The following EYS variants were observed in gnomAD, a reference collection of about 807,000 sequenced individuals.
EYS encodes the protein protein eyes shut homolog.
Under a neutral mutation model 282.1 loss-of-function variants are expected in EYS, and 250 were observed. The observed-to-expected ratio is 0.89, with a 90% CI of 0.80 to 0.98. The LOEUF (loss-of-function observed/expected upper bound fraction) is 0.98. Among genes scored for constraint, EYS ranks in the 50% least tolerant of loss-of-function variants. The probability of loss-of-function intolerance (pLI) is 0.00; values close to 1 mark genes in which losing one functional copy is unlikely to be tolerated. For synonymous variants in EYS, 1,355 were observed against 1,282.9 expected (o/e 1.06, Z -1.20); for missense variants, 4,016 against 3,709.0 (o/e 1.08, Z -2.15).
chr6:63,728,549 G>A (rs538155429), intron 41 of EYS, among the ~76,000 whole-genome samples: 2 of 152,240 alleles, frequency 1.3e-5, no homozygotes, highest in East Asian at 3.9e-4. Flanking sequence ...GAGTACATTT[G>A]TTAAATGGAT....
chr6:64,685,767 T>G (rs556907626), intron 22 of EYS, among the ~76,000 whole-genome samples: 2 of 152,300 alleles, frequency 1.3e-5, no homozygotes, highest in East Asian at 3.9e-4. Flanking sequence ...AGACCCACAC[T>G]CAGTATACTT....
At chr6:65,153,139 C>T (rs533666405) in intron 12 of EYS, among the ~76,000 whole-genome samples, 1 of 151,962 alleles carries the variant, frequency 6.6e-6, no homozygotes, top group East Asian at 2.0e-4. Context: ...TTAAGCTCTT[C>T]TCTGCTGGCA....
intron 14 of EYS, among the ~76,000 whole-genome samples, chr6:64,947,236 C>T (rs1769316933): frequency 6.6e-6 from 1 of 151,776 alleles, no homozygotes; most frequent in Non-Finnish European, 1.5e-5. Context: ...CAAAATGATC[C>T]TTCATCACTT....
At chr6:64,041,757 G>C (rs560812134) in intron 33 of EYS, among the ~76,000 whole-genome samples, 1 of 151,982 alleles carries the variant, frequency 6.6e-6, no homozygotes, top group African/African-American at 2.4e-5. Flanking sequence ...TTTCATTTTC[G>C]TTATTTTGAA....
At chr6:64,334,039 G>T (rs745608830) in intron 29 of EYS, among the ~76,000 whole-genome samples, 22 of 152,176 alleles carry the variant, frequency 1.4e-4, no homozygotes, top group Non-Finnish European at 2.6e-4. Flanking sequence ...GCCTGACAAG[G>T]CCTTTCAGAA....
At chr6:65,447,202 C>A (rs1768695177) in intron 5 of EYS, among the ~76,000 whole-genome samples, 1 of 150,848 alleles carries the variant, frequency 6.6e-6, no homozygotes. Context: ...AATCATCTGT[C>A]TTCCCCAATG....
At chr6:64,564,353 C>G (rs1765495195) in intron 26 of EYS, among the ~76,000 whole-genome samples, 1 of 132,476 alleles carries the variant, frequency 7.5e-6, no homozygotes, top group Non-Finnish European at 1.6e-5. Flanking sequence ...TCTCGGCTCA[C>G]TGCAACCTCT....
At chr6:64,211,517 C>T (rs1765763992) in intron 31 of EYS, among the ~76,000 whole-genome samples, 2 of 150,754 alleles carry the variant, frequency 1.3e-5, no homozygotes, top group East Asian at 3.9e-4. Context: ...TGATATCTAC[C>T]CTCTCTTTTC....
chr6:65,283,141 C>T (rs1420328582), intron 12 of EYS, among the ~76,000 whole-genome samples: 2 of 151,652 alleles, frequency 1.3e-5, no homozygotes, highest in Non-Finnish European at 2.9e-5. Context: ...TTCTTTTTTC[C>T]CACAAAATTA....
At chr6:65,273,288 T>C (rs1767953156) in intron 12 of EYS, among the ~76,000 whole-genome samples, 1 of 152,196 alleles carries the variant, frequency 6.6e-6, no homozygotes, top group South Asian at 2.1e-4. Flanking sequence ...TGGGGACTAC[T>C]GGACTGTTAG....
chr6:64,264,516 G>T (rs889952225), intron 30 of EYS, among the ~76,000 whole-genome samples: 5 of 152,074 alleles, frequency 3.3e-5, no homozygotes, highest in African/African-American at 1.2e-4. Context: ...TGAGATTCGA[G>T]CTTGGAAGTG....
At chr6:65,690,905 C>T (rs1219844492) in intron 1 of EYS, among the ~76,000 whole-genome samples, 2 of 150,252 alleles carry the variant, frequency 1.3e-5, no homozygotes, top group African/African-American at 4.9e-5. Context: ...CCACAAAGAA[C>T]ATGAACTCAT....
intron 2 of EYS, among the ~76,000 whole-genome samples, chr6:65,617,605 G>T (rs897732889): frequency 2.0e-5 from 3 of 151,336 alleles, no homozygotes; most frequent in Admixed American, 6.6e-5. Flanking sequence ...ACAATGTGCA[G>T]GTTAGTTACA....
chr6:65,020,519 C>T (rs551878997), intron 13 of EYS, among the ~76,000 whole-genome samples: 14 of 152,254 alleles, frequency 9.2e-5, no homozygotes, highest in Middle Eastern at 3.4e-3. Flanking sequence ...TTGCAGGGTA[C>T]GGCTCTCGAT....
chr6:64,782,128 A>G (rs543069840), intron 22 of EYS, among the ~76,000 whole-genome samples: 1 of 152,240 alleles, frequency 6.6e-6, no homozygotes, highest in East Asian at 1.9e-4. Context: ...GTTGGTATTC[A>G]TAAGTTATTG....
chr6:64,655,508 C>A (rs1768712866), intron 22 of EYS, among the ~76,000 whole-genome samples: 1 of 151,598 alleles, frequency 6.6e-6, no homozygotes, highest in East Asian at 1.9e-4. Context: ...GGAGCATTCA[C>A]AGTAATTAAC....
chr6:63,980,265 A>AGT (rs151319447), intron 35 of EYS, among the ~76,000 whole-genome samples: 406 of 150,320 alleles, frequency 2.7e-3, no homozygotes, highest in African/African-American at 8.3e-3. Context: ...AATGCTCAAG[A>AGT]GTGTGTGTGT....
chr6:65,443,841 T>C (rs1768544127), intron 5 of EYS, among the ~76,000 whole-genome samples: 1 of 151,864 alleles, frequency 6.6e-6, no homozygotes, highest in Non-Finnish European at 1.5e-5. Flanking sequence ...TTAAGAATAT[T>C]AATCAAATAT....
chr6:65,561,850 T>C (rs537262137), intron 2 of EYS, among the ~76,000 whole-genome samples: 2 of 151,964 alleles, frequency 1.3e-5, no homozygotes, highest in South Asian at 4.1e-4. Flanking sequence ...ATGAATATTA[T>C]TTAGTTAATA....
Sources: gnomAD v4.1 joint callset for allele counts (sites outside exome capture counted in the v4.1 genomes callset) on GRCh38, gnomAD v4.1.1 for gene constraint, MANE v1.5 for transcripts, NCBI Gene and HGNC (gene_info 2026-07-23, HGNC 2026-07-21) for gene names.